Variants in MSR1 observed in about 807,000 individuals in gnomAD.
MSR1 encodes macrophage scavenger receptor types I and II.
Under a neutral mutation model 47.2 loss-of-function variants are expected in MSR1, and 53 were observed. The observed-to-expected ratio is 1.12, with a 90% CI of 0.90 to 1.41. The LOEUF (loss-of-function observed/expected upper bound fraction) is 1.41, where lower values mean the gene tolerates loss of function less well. Among genes scored for constraint, MSR1 ranks in the 40% most tolerant of loss-of-function variants. The pLI is 0.00. For missense variants in MSR1, 786 were observed against 546.9 expected (o/e 1.44, Z -4.36); for synonymous variants, 239 against 185.6 (o/e 1.29, Z -2.34).
At chr8:16,133,305 GA>G (rs1374339047) in intron 8 of MSR1, among the ~76,000 whole-genome samples, 1 of 152,134 alleles carries the variant, frequency 6.6e-6, no homozygotes, top group African/African-American at 2.4e-5. Flanking sequence ...ATTATTGAAA[GA>G]AGAAAAATTG....
chr8:16,161,867 G>T (rs1171442932), intron 5 of MSR1, among the ~76,000 whole-genome samples: 1 of 151,766 alleles, frequency 6.6e-6, no homozygotes, highest in Non-Finnish European at 1.5e-5. Flanking sequence ...GTCACATGAA[G>T]TTCTTAGTTC....
chr8:16,129,349 C>T (rs114985536), intron 8 of MSR1, among the ~76,000 whole-genome samples: 1,797 of 151,998 alleles, frequency 0.012, 47 homozygotes, highest in African/African-American at 0.041. Context: ...CTACAGCATC[C>T]GGGAAAGGAT....
intron 1 of MSR1, among the ~76,000 whole-genome samples, chr8:16,188,153 C>T (rs1030375128): frequency 3.3e-5 from 5 of 152,084 alleles, no homozygotes; most frequent in Non-Finnish European, 5.9e-5. Flanking sequence ...AAGTGAAACA[C>T]GTTTCTGTAA....
At chr8:16,153,599 G>A (rs1219681656) in intron 6 of MSR1, among the ~76,000 whole-genome samples, 2 of 151,776 alleles carry the variant, frequency 1.3e-5, no homozygotes, top group Non-Finnish European at 2.9e-5. Context: ...TTGCAATGGT[G>A]TCTATTTATA....
At chr8:16,169,071 T>C (rs1233846140) in intron 3 of MSR1, among the ~76,000 whole-genome samples, 2 of 152,206 alleles carry the variant, frequency 1.3e-5, no homozygotes, top group Non-Finnish European at 2.9e-5. Flanking sequence ...CATTCTCCCT[T>C]TCCTATTTTA....
chr8:16,189,206 T>A (rs1018026087), intron 1 of MSR1, among the ~76,000 whole-genome samples: 6 of 142,746 alleles, frequency 4.2e-5, no homozygotes, highest in African/African-American at 1.5e-4. Flanking sequence ...CCTTATTTTA[T>A]ATATATTTCA....
At chr8:16,155,290 T>C in intron 5 of MSR1, 146 bp from the exon 6 acceptor site, 3 of 651,842 alleles carry the variant, frequency 4.6e-6, no homozygotes, top group East Asian at 2.8e-5. Context: ...ACTTCATGAA[T>C]GGAGGAGTAT....
At chr8:16,120,951 T>G (rs12681374) in intron 8 of MSR1, 11,968 of 337,060 alleles carry the variant, frequency 0.036, 562 homozygotes, top group East Asian at 0.14. Context: ...TGAAAAATTA[T>G]AACTAAATGG....
intron 7 of MSR1, among the ~76,000 whole-genome samples, chr8:16,146,351 T>C (rs999622443): frequency 6.6e-6 from 1 of 151,890 alleles, no homozygotes; most frequent in African/African-American, 2.4e-5. Flanking sequence ...ATTTAAGTGG[T>C]ACTCAGATCC....
intron 1 of MSR1, among the ~76,000 whole-genome samples, chr8:16,181,588 G>C (rs1203811999): frequency 6.6e-6 from 1 of 151,986 alleles, no homozygotes. Flanking sequence ...GTATAAGTGG[G>C]AGCTGAACAA....
intron 8 of MSR1, among the ~76,000 whole-genome samples, chr8:16,136,834 C>T (rs754505488): frequency 4.6e-5 from 7 of 152,064 alleles, no homozygotes; most frequent in Non-Finnish European, 1.0e-4. Flanking sequence ...ATCTCTTGAC[C>T]TTGTGATCCA....
At chr8:16,149,025 T>C (rs2117128064) in intron 7 of MSR1, among the ~76,000 whole-genome samples, 1 of 152,104 alleles carries the variant, frequency 6.6e-6, no homozygotes, top group Middle Eastern at 3.4e-3. Flanking sequence ...CAAGAGATTG[T>C]GGTGGGGAGG....
intron 5 of MSR1, among the ~76,000 whole-genome samples, chr8:16,163,038 G>A (rs1375993364): frequency 1.3e-5 from 2 of 151,920 alleles, no homozygotes; most frequent in Non-Finnish European, 2.9e-5. Flanking sequence ...GTGTATTTTA[G>A]GATGAATGTT....
At chr8:16,155,168 A>G in intron 5 of MSR1, 24 bp from the exon 6 acceptor site, 1 of 1,577,886 alleles carries the variant, frequency 6.3e-7, no homozygotes, top group African/African-American at 1.3e-5. Flanking sequence ...ACAGTTACTG[A>G]TCATAGTTGT....
At chr8:16,177,862 G>A in intron 2 of MSR1, 24 bp downstream of exon 2, 1 of 1,586,510 alleles carries the variant, frequency 6.3e-7, no homozygotes, top group Non-Finnish European at 8.7e-7. Context: ...AACCTCCATG[G>A]GCAGCCCATC....
intron 9 of MSR1, among the ~76,000 whole-genome samples, chr8:16,115,671 G>C (rs972605627): frequency 1.3e-5 from 2 of 152,034 alleles, no homozygotes; most frequent in Non-Finnish European, 2.9e-5. Flanking sequence ...ACTCTACGCA[G>C]GGAGTGGAAA....
intron 1 of MSR1, among the ~76,000 whole-genome samples, chr8:16,181,412 A>T (rs962899156): frequency 1.3e-5 from 2 of 152,182 alleles, no homozygotes; most frequent in Admixed American, 1.3e-4. Flanking sequence ...ATGCCCATCA[A>T]TGATAGATTG....
intron 6 of MSR1, among the ~76,000 whole-genome samples, chr8:16,152,750 C>T (rs11997877): frequency 0.04 from 6,088 of 152,070 alleles, 438 homozygotes; most frequent in African/African-American, 0.14. Flanking sequence ...AAAAGAAACT[C>T]ACATGAGATA....
intron 6 of MSR1, among the ~76,000 whole-genome samples, chr8:16,152,170 G>A (rs1467334884): frequency 6.6e-6 from 1 of 152,040 alleles, no homozygotes; most frequent in African/African-American, 2.4e-5. Flanking sequence ...TTTATTAAAT[G>A]ATACGTACAC....
Sources: allele counts gnomAD v4.1 joint callset (sites outside exome capture counted in the v4.1 genomes callset), GRCh38; gene constraint gnomAD v4.1.1; transcripts MANE v1.5; gene names NCBI Gene and HGNC (gene_info 2026-07-23, HGNC 2026-07-21).